The following LYPLA1 variants were observed in gnomAD, a reference collection of about 807,000 sequenced individuals.
LYPLA1 encodes lysophospholipase 1, also known as acyl-protein thioesterase 1.
A neutral mutation model predicts 34.0 loss-of-function variants in LYPLA1; 17 were observed. That is an observed-to-expected ratio of 0.50 (90% CI 0.34 to 0.75). The LOEUF (loss-of-function observed/expected upper bound fraction) is 0.75, where lower values mean the gene tolerates loss of function less well. Ranked by LOEUF, LYPLA1 falls within the 30% of genes least tolerant of loss-of-function variation. The pLI is 0.01. For synonymous variants in LYPLA1, 98 were observed against 100.8 expected (o/e 0.97, Z 0.17); for missense variants, 203 against 288.8 (o/e 0.70, Z 2.15).
intron 2 of LYPLA1, among the ~76,000 whole-genome samples, chr8:54,074,050 C>T (rs1239995699): frequency 5.3e-5 from 8 of 152,168 alleles, no homozygotes; most frequent in African/African-American, 1.2e-4. Context: ...CCGAGGTGGG[C>T]GGATCACGAG....
intron 5 of LYPLA1, among the ~76,000 whole-genome samples, chr8:54,057,032 T>C (rs1806253832): frequency 6.6e-6 from 1 of 151,968 alleles, no homozygotes; most frequent in South Asian, 2.1e-4. Flanking sequence ...GCCAGCAAAA[T>C]GCAAATCAAA....
At chr8:54,067,165 T>C (rs1807124031) in intron 2 of LYPLA1, among the ~76,000 whole-genome samples, 1 of 152,112 alleles carries the variant, frequency 6.6e-6, no homozygotes, top group African/African-American at 2.4e-5. Flanking sequence ...TGAGACTCCA[T>C]CTCAAAATAA....
At chr8:54,084,143 T>TAA (rs1448310188) in intron 2 of LYPLA1, among the ~76,000 whole-genome samples, 68 of 113,688 alleles carry the variant, frequency 6.0e-4, no homozygotes, top group East Asian at 2.3e-3. Flanking sequence ...AATAAATAAA[T>TAA]ATATATATAT....
At chr8:54,071,577 C>T (rs1313843379) in intron 2 of LYPLA1, among the ~76,000 whole-genome samples, 3 of 151,964 alleles carry the variant, frequency 2.0e-5, no homozygotes, top group Non-Finnish European at 4.4e-5. Flanking sequence ...TCCATGACAG[C>T]GATATGAGAT....
At chr8:54,073,390 T>G in intron 2 of LYPLA1, 2 of 783,648 alleles carry the variant, frequency 2.6e-6, no homozygotes, top group Non-Finnish European at 4.7e-6. Flanking sequence ...CAAGAAGTGT[T>G]CCATTTGTAA....
intron 2 of LYPLA1, among the ~76,000 whole-genome samples, chr8:54,066,377 A>T (rs1807070268): frequency 6.6e-6 from 1 of 152,236 alleles, no homozygotes; most frequent in Admixed American, 6.5e-5. Context: ...GCCCCTTCAG[A>T]TATTTCCACA....
At chr8:54,097,569 G>A (rs567364143) in intron 2 of LYPLA1, among the ~76,000 whole-genome samples, 2 of 152,298 alleles carry the variant, frequency 1.3e-5, no homozygotes, top group South Asian at 4.2e-4. Context: ...TAAATTTAAT[G>A]GGATAACTTT....
chr8:54,079,064 G>A (rs773445822), intron 2 of LYPLA1, among the ~76,000 whole-genome samples: 2 of 151,936 alleles, frequency 1.3e-5, no homozygotes, highest in Admixed American at 6.6e-5. Flanking sequence ...TGCAACCTCC[G>A]ACTCCTGAGT....
At chr8:54,078,957 T>C (rs2129347857) in intron 2 of LYPLA1, among the ~76,000 whole-genome samples, 1 of 151,868 alleles carries the variant, frequency 6.6e-6, no homozygotes, top group African/African-American at 2.4e-5. Context: ...ACTATTTCAA[T>C]GTACGTATTT....
chr8:54,055,184 T>C lies in LYPLA1; in HGVS notation c.287-51A>G, dbSNP rs369675854. 87 of 1,062,446 alleles carry C rather than the reference T, an allele frequency of 8.2e-5. 1 individual carries two copies. In the Admixed American group the frequency reaches 1.9e-3, roughly 23 times the overall value. 65.8% of individuals were successfully genotyped at this position (1,062,446 alleles called of 1,614,324 possible). Reference sequence around the variant, plus strand: ...GCAATACTTTCAGAGTTAAGCCCACTGATAAAATTTAAATTAGGAAAAAAT... The same window carrying C: ...GCAATACTTTCAGAGTTAAGCCCACCGATAAAATTTAAATTAGGAAAAAAT... On this transcript the variant is annotated intron_variant, in intron 5 of 8. Transcript: ENST00000316963.
downstream of LYPLA1, chr8:54,045,448 A>G (rs1805454038): frequency 6.6e-6 from 1 of 152,240 alleles, no homozygotes. Context: ...TTTTAAAAGG[A>G]TCATGAACTA....
intron 2 of LYPLA1, among the ~76,000 whole-genome samples, chr8:54,082,140 C>T (rs140519068): frequency 6.6e-6 from 1 of 152,148 alleles, no homozygotes; most frequent in African/African-American, 2.4e-5. Context: ...TATAAACATA[C>T]CACCACACAG....
chr8:54,080,953 C>G (rs1808270953), intron 2 of LYPLA1, among the ~76,000 whole-genome samples: 1 of 152,156 alleles, frequency 6.6e-6, no homozygotes, highest in Non-Finnish European at 1.5e-5. Flanking sequence ...GCTATTTTCT[C>G]CATACCAAAG....
chr8:54,097,131 C>A (rs115569942), intron 2 of LYPLA1, among the ~76,000 whole-genome samples: 1 of 152,034 alleles, frequency 6.6e-6, no homozygotes, highest in South Asian at 2.1e-4. Flanking sequence ...ACAAAGTATC[C>A]CCCCGCAACT....
chr8:54,101,537 G>A, intron 1 of LYPLA1: 3 of 1,143,254 alleles, frequency 2.6e-6, no homozygotes, highest in Non-Finnish European at 3.2e-6. Context: ...CCGCAATGCA[G>A]GGAGGAGCTG....
chr8:54,084,338 A>G (rs1273430871), intron 2 of LYPLA1, among the ~76,000 whole-genome samples: 1 of 151,820 alleles, frequency 6.6e-6, no homozygotes, highest in East Asian at 1.9e-4. Flanking sequence ...TGGGAAGCTG[A>G]GGCGGGTGGA....
chr8:54,090,456 G>A lies in LYPLA1; in HGVS notation c.101+10452C>T, dbSNP rs188465446. ...TTGTAAATTCTTATCTCTGTATACTGTACTTCTACATACAAATGTACTATA... is the reference window on the plus strand; with the variant it reads ...TTGTAAATTCTTATCTCTGTATACTATACTTCTACATACAAATGTACTATA... On this transcript the variant is annotated intron_variant, in intron 2 of 8. Coordinates refer to ENST00000316963, the MANE Select transcript of LYPLA1 (RefSeq NM_006330.4). 3.9e-4 allele frequency among the ~76,000 whole-genome samples: 60 copies of A among 152,260 alleles called. No homozygotes were observed. In the East Asian group the frequency reaches 0.01, roughly 26 times the overall value.
intron 5 of LYPLA1, among the ~76,000 whole-genome samples, chr8:54,056,697 G>A (rs978088362): frequency 1.2e-3 from 187 of 152,236 alleles, no homozygotes; most frequent in African/African-American, 4.3e-3. Context: ...GGTGGGTTAC[G>A]AGGTCAAGTG....
At chr8:54,089,000 C>A (rs756784075) in intron 2 of LYPLA1, among the ~76,000 whole-genome samples, 6 of 152,160 alleles carry the variant, frequency 3.9e-5, no homozygotes, top group Non-Finnish European at 8.8e-5. Context: ...TATCTGATTC[C>A]ATTTCTACGC....
Sources: gnomAD v4.1 joint callset for allele counts (sites outside exome capture counted in the v4.1 genomes callset) on GRCh38, gnomAD v4.1.1 for gene constraint, MANE v1.5 for transcripts, NCBI Gene and HGNC (gene_info 2026-07-23, HGNC 2026-07-21) for gene names.